The following FAM199X variants were observed in gnomAD, a reference collection of about 807,000 sequenced individuals.
The protein encoded by FAM199X is protein FAM199X.
FAM199X carries 4 observed loss-of-function variants against 22.9 expected under a neutral mutation model. That is an observed-to-expected ratio of 0.17 (90% CI 0.09 to 0.40). The LOEUF is 0.40. Ranked by LOEUF, FAM199X falls within the 10% of genes least tolerant of loss-of-function variation. The pLI, the probability that FAM199X is intolerant of heterozygous loss-of-function variation, is 1.00. For missense variants in FAM199X, 183 were observed against 306.8 expected (o/e 0.60, Z 3.01); for synonymous variants, 101 against 112.3 (o/e 0.90, Z 0.64).
intron 1 of FAM199X, among the ~76,000 whole-genome samples, chrX:104,169,732 T>TA (rs2147889136): frequency 8.9e-6 from 1 of 112,076 alleles, no homozygotes; most frequent in Admixed American, 9.4e-5. Context: ...TATGCCTGGC[T>TA]AATTTTTATA....
chrX:104,188,502 C>G (rs1174239834), intron 5 of FAM199X, among the ~76,000 whole-genome samples, 196 bp downstream of exon 5: 1 of 111,489 alleles, frequency 9.0e-6, no homozygotes, highest in Non-Finnish European at 1.9e-5. Context: ...TTTTGACCCA[C>G]AACCATATTG....
chrX:104,170,281 A>G (rs1921318582), intron 1 of FAM199X, among the ~76,000 whole-genome samples: 2 of 112,104 alleles, frequency 1.8e-5, no homozygotes, highest in Admixed American at 9.4e-5. Context: ...TAGTTTTCCT[A>G]TCTAGATACA....
intron 2 of FAM199X, among the ~76,000 whole-genome samples, chrX:104,182,113 C>T (rs955460558): frequency 9.3e-6 from 1 of 107,481 alleles, no homozygotes. Flanking sequence ...CTCAGCCTCC[C>T]GAATAGCTTG....
At chrX:104,174,941 C>T (rs1921452234) in intron 1 of FAM199X, among the ~76,000 whole-genome samples, 1 of 111,766 alleles carries the variant, frequency 8.9e-6, no homozygotes, top group South Asian at 3.7e-4. Flanking sequence ...ATAACAAATA[C>T]TTCTTGAACA....
At chrX:104,187,391 T>C (rs781832928) in intron 4 of FAM199X, among the ~76,000 whole-genome samples, 2 of 112,285 alleles carry the variant, frequency 1.8e-5, no homozygotes, top group Non-Finnish European at 3.8e-5. Context: ...CTCTGGTATC[T>C]TCTAAATACA....
intron 2 of FAM199X, among the ~76,000 whole-genome samples, chrX:104,184,749 CTTTAT>C (rs1556378674): frequency 9.1e-6 from 1 of 110,031 alleles, no homozygotes; most frequent in African/African-American, 3.3e-5. Context: ...AAGTGTTTTA[CTTTAT>C]TTTAACAGCA....
rs1179848890 is a variant in FAM199X at position 104,168,797 on chromosome X, TG to T, written c.197+1819del. Among the ~76,000 whole-genome samples the T allele has an allele frequency of 3.6e-5, 4 of 110,193 alleles. No individual in the cohort carries two copies. The East Asian group carries it at 1.1e-3, about 31-fold the overall frequency. ...TGGTGAGGTCAGGACTGTTTTTCAATGGGGCAGTGAGGAGGGGAGAAGGAGG... is the reference window on the plus strand; with the variant it reads ...TGGTGAGGTCAGGACTGTTTTTCAATGGGCAGTGAGGAGGGGAGAAGGAGG... On this transcript the variant is annotated intron_variant, in intron 1 of 5. Coordinates refer to ENST00000493442, the MANE Select transcript of FAM199X (RefSeq NM_207318.4).
intron 2 of FAM199X, among the ~76,000 whole-genome samples, chrX:104,178,800 G>C (rs1458766108): frequency 1.8e-5 from 2 of 111,661 alleles, no homozygotes; most frequent in South Asian, 3.7e-4. Flanking sequence ...TTTTCAGTAA[G>C]TTTTGAAATT....
the FAM199X span, among the ~76,000 whole-genome samples, chrX:104,157,875 G>A: frequency 8.9e-6 from 1 of 111,792 alleles, no homozygotes; most frequent in Non-Finnish European, 1.9e-5. Context: ...AAAATCCAAC[G>A]TTTGCAGTTC....
In FAM199X at chrX:104,192,933, A is replaced by C. The variant is rs1461051045; in HGVS notation, c.*3155A>C. 2 of 111,851 alleles carry C rather than the reference A, an allele frequency of 1.8e-5. No homozygotes were observed. Among genetic ancestry groups the C allele is most frequent in the African/African-American group, 6.5e-5 (2 of 30,897 alleles). The allele number at this position is 111,851 out of a possible 1,213,427, so 9.2% of individuals were successfully genotyped here. A position where few individuals can be genotyped will look rare whatever the true frequency, so the allele number is the denominator to read the frequency against. Reference sequence around the variant, plus strand: ...CTATAGCGGTATCCAGATTCTGATGAGCTTTAAAAATTATAAAATATAGCA... The same window carrying C: ...CTATAGCGGTATCCAGATTCTGATGCGCTTTAAAAATTATAAAATATAGCA... On this transcript the variant is annotated 3_prime_UTR_variant, in exon 6 of 6. Transcript: ENST00000493442.
intron 2 of FAM199X, among the ~76,000 whole-genome samples, chrX:104,184,448 A>G (rs1321614352): frequency 1.8e-5 from 2 of 112,136 alleles, no homozygotes; most frequent in Admixed American, 1.9e-4. Context: ...AAAAGACTTT[A>G]CCTTTTTGAT....
In FAM199X at chrX:104,189,844, A is replaced by G. The variant is rs1238578120; in HGVS notation, c.*66A>G. 40 of 1,123,909 alleles carry G rather than the reference A, an allele frequency of 3.6e-5. No homozygotes were observed. Among genetic ancestry groups the G allele is most frequent in the Non-Finnish European group, 4.8e-5 (40 of 836,369 alleles). The allele number at this position is 1,123,909 out of a possible 1,213,427, so 92.6% of individuals were successfully genotyped here. A position where few individuals can be genotyped will look rare whatever the true frequency, so the allele number is the denominator to read the frequency against. On this transcript the variant is annotated 3_prime_UTR_variant, in exon 6 of 6. Coordinates refer to ENST00000493442, the MANE Select transcript of FAM199X (RefSeq NM_207318.4). ...ACTCCATCCTTATGGGTTTACATGC[A>G]TCTTGACCAAAATTTTGGTTAGGGC...
At chrX:104,184,957 A>T (rs1921760260) in intron 2 of FAM199X, among the ~76,000 whole-genome samples, 1 of 106,718 alleles carries the variant, frequency 9.4e-6, no homozygotes, top group Non-Finnish European at 1.9e-5. Context: ...TTTTTTTTTA[A>T]TAGAGATGAG....
At chrX:104,186,421 T>C in intron 3 of FAM199X, 39 bp from the exon 4 acceptor site, 1 of 1,184,265 alleles carries the variant, frequency 8.4e-7, no homozygotes, top group Non-Finnish European at 1.1e-6. Context: ...GGATCAGAAG[T>C]TTTAGCAATG....
rs782754869 is a variant in FAM199X, at chrX:104,178,100, C to T, written c.417+2258C>T. On this transcript the variant is annotated intron_variant, in intron 2 of 5. Transcript: ENST00000493442. Reference sequence around the variant, plus strand: ...GTAGGTCTTTGACCATTTTGAGTTACTTTTTGTATATGATATGTAAGATAG... The same window carrying T: ...GTAGGTCTTTGACCATTTTGAGTTATTTTTTGTATATGATATGTAAGATAG... Among the ~76,000 whole-genome samples, 312 of 111,577 alleles carry T rather than the reference C, an allele frequency of 2.8e-3. 3 individuals carry two copies. The highest frequency in any genetic ancestry group is 4.7e-3 in the Non-Finnish European group (249 of 53,066).
chrX:104,175,095 C>T (rs949633004), intron 1 of FAM199X, among the ~76,000 whole-genome samples: 2 of 111,883 alleles, frequency 1.8e-5, no homozygotes, highest in African/African-American at 3.3e-5. Flanking sequence ...GTGATCATCA[C>T]GATACCTCCA....
chrX:104,188,318 A>G lies in FAM199X; in HGVS notation c.996+12A>G. The G allele has an allele frequency of 1.7e-6, 2 of 1,208,951 alleles. No homozygotes were observed. Among genetic ancestry groups the G allele is most frequent in the Non-Finnish European group, 2.2e-6 (2 of 893,108 alleles). On this transcript the variant is annotated intron_variant, in intron 5 of 5. Coordinates refer to ENST00000493442, the MANE Select transcript of FAM199X (RefSeq NM_207318.4). ...TTCGGGATTCAAAAGTAAAACGTCT[A>G]ATCAATACAAAACTTTACCTTTCAA...
rs369035185 is a variant in FAM199X, at chrX:104,186,272, A to G, written c.567+57A>G. The G allele has an allele frequency of 1.6e-3, 1,884 of 1,144,672 alleles. 14 individuals carry two copies. The South Asian group carries it at 0.035, about 21-fold the overall frequency. The allele number at this position is 1,144,672 out of a possible 1,213,427, so 94.3% of individuals were successfully genotyped here. On this transcript the variant is annotated intron_variant, in intron 3 of 5. Transcript: ENST00000493442. ...TTTATGTGGAGACTAGGTAAAGCTC[A>G]GTTTATTGCCTGTTTAAAGCTACTG...
chrX:104,184,990 G>A (rs868931311), intron 2 of FAM199X, among the ~76,000 whole-genome samples: 14 of 103,645 alleles, frequency 1.4e-4, no homozygotes, highest in Middle Eastern at 4.9e-3. Context: ...TGGACAGGCT[G>A]CTCTGGAACT....
Sources: gnomAD v4.1 joint callset for allele counts (sites outside exome capture counted in the v4.1 genomes callset) on GRCh38, gnomAD v4.1.1 for gene constraint, MANE v1.5 for transcripts, NCBI Gene and HGNC (gene_info 2026-07-23, HGNC 2026-07-21) for gene names.